Variants in PDZRN4 observed in about 807,000 individuals in gnomAD.
PDZRN4 encodes the protein PDZ domain-containing RING finger protein 4.
A neutral mutation model predicts 99.0 loss-of-function variants in PDZRN4; 70 were observed. The ratio of observed to expected loss-of-function variants is 0.71; its 90% CI spans 0.58 to 0.86. The LOEUF is 0.86. Among genes scored for constraint, PDZRN4 ranks in the 40% least tolerant of loss-of-function variants. The probability of loss-of-function intolerance (pLI) is 0.00; values close to 1 mark genes in which losing one functional copy is unlikely to be tolerated. For synonymous variants in PDZRN4, 551 were observed against 501.6 expected (o/e 1.10, Z -1.32); for missense variants, 1,474 against 1,331.2 (o/e 1.11, Z -1.67).
At chr12:41,314,531 C>A (rs1254019150) in intron 3 of PDZRN4, among the ~76,000 whole-genome samples, 1 of 152,150 alleles carries the variant, frequency 6.6e-6, no homozygotes, top group Non-Finnish European at 1.5e-5. Flanking sequence ...GGAGCCTTCA[C>A]CAAAGAGGCT....
chr12:41,465,209 G>A (rs572872589), intron 3 of PDZRN4, among the ~76,000 whole-genome samples: 7 of 152,138 alleles, frequency 4.6e-5, no homozygotes, highest in African/African-American at 1.2e-4. Context: ...CTCTAAGGGC[G>A]TAAGAATCAT....
chr12:41,383,060 A>G (rs1421463623), intron 3 of PDZRN4, among the ~76,000 whole-genome samples: 1 of 152,224 alleles, frequency 6.6e-6, no homozygotes, highest in Non-Finnish European at 1.5e-5. Context: ...TTATGATATT[A>G]TGATTTTGTA....
chr12:41,509,776 A>T, intron 4 of PDZRN4, 35 bp from the exon 5 acceptor site: 1 of 966,696 alleles, frequency 1.0e-6, no homozygotes, highest in Non-Finnish European at 1.6e-6. Context: ...CAACCCATTT[A>T]ATCTATTCCT....
chr12:41,364,157 A>C (rs1328234626), intron 3 of PDZRN4, among the ~76,000 whole-genome samples: 1 of 152,132 alleles, frequency 6.6e-6, no homozygotes, highest in Non-Finnish European at 1.5e-5. Flanking sequence ...AAGCTTTGTT[A>C]GTATGGAACA....
At chr12:41,371,803 C>T (rs1476578528) in intron 3 of PDZRN4, among the ~76,000 whole-genome samples, 2 of 152,112 alleles carry the variant, frequency 1.3e-5, no homozygotes, top group African/African-American at 4.8e-5. Context: ...ATGTAGCCCA[C>T]CATATTTCTA....
chr12:41,432,083 A>G (rs1023625836), intron 3 of PDZRN4, among the ~76,000 whole-genome samples: 1 of 152,372 alleles, frequency 6.6e-6, no homozygotes, highest in East Asian at 1.9e-4. Context: ...GCATTCATAT[A>G]CTACCAGACA....
At chr12:41,341,165 T>A (rs1345939785) in intron 3 of PDZRN4, among the ~76,000 whole-genome samples, 1 of 148,886 alleles carries the variant, frequency 6.7e-6, no homozygotes. Flanking sequence ...CCTTTCATGA[T>A]AAAAAAAAAA....
At chr12:41,355,537 T>A (rs560872245) in intron 3 of PDZRN4, among the ~76,000 whole-genome samples, 1 of 152,180 alleles carries the variant, frequency 6.6e-6, no homozygotes, top group East Asian at 1.9e-4. Context: ...TTCACATGGA[T>A]CATTTGAGTT....
intron 3 of PDZRN4, among the ~76,000 whole-genome samples, chr12:41,458,231 C>T (rs1952834578): frequency 6.6e-6 from 1 of 152,186 alleles, no homozygotes; most frequent in African/African-American, 2.4e-5. Flanking sequence ...AATCTCGACT[C>T]ACTGCAATCT....
At chr12:41,301,756 C>A (rs1951537161) in intron 3 of PDZRN4, among the ~76,000 whole-genome samples, 1 of 151,974 alleles carries the variant, frequency 6.6e-6, no homozygotes, top group African/African-American at 2.4e-5. Flanking sequence ...ATTTAGGTAT[C>A]AGGATGCCTG....
chr12:41,519,365 G>C (rs1938454240), intron 5 of PDZRN4, among the ~76,000 whole-genome samples: 3 of 152,028 alleles, frequency 2.0e-5, no homozygotes, highest in African/African-American at 7.2e-5. Context: ...TTGCTTTCTA[G>C]GTAAAGTGGC....
intron 4 of PDZRN4, 55 bp downstream of exon 4, chr12:41,506,767 G>T: frequency 6.5e-7 from 1 of 1,543,490 alleles, no homozygotes. Context: ...GTCACGTAAA[G>T]CAGATGTTGA....
At chr12:41,408,811 C>T (rs1410272676) in intron 3 of PDZRN4, among the ~76,000 whole-genome samples, 1 of 151,742 alleles carries the variant, frequency 6.6e-6, no homozygotes, top group Non-Finnish European at 1.5e-5. Flanking sequence ...CTCTGTCTCT[C>T]TTGCGCTCTC....
intron 3 of PDZRN4, among the ~76,000 whole-genome samples, chr12:41,457,972 G>A (rs1952830722): frequency 6.6e-6 from 1 of 152,128 alleles, no homozygotes; most frequent in Non-Finnish European, 1.5e-5. Flanking sequence ...TACAATTGAT[G>A]AGAAGAGCAG....
chr12:41,220,059 T>A (rs575075549), intron 3 of PDZRN4, among the ~76,000 whole-genome samples: 36 of 152,152 alleles, frequency 2.4e-4, no homozygotes, highest in Middle Eastern at 6.8e-3. Context: ...GAAGCTAAGC[T>A]CCAAGAGGGT....
intron 3 of PDZRN4, among the ~76,000 whole-genome samples, chr12:41,468,288 G>T (rs1012404019): frequency 2.5e-4 from 38 of 152,272 alleles, no homozygotes; most frequent in African/African-American, 8.4e-4. Context: ...TGAGCTACTG[G>T]ATCATTGAAA....
chr12:41,405,074 G>T (rs2120359668), intron 3 of PDZRN4, among the ~76,000 whole-genome samples: 1 of 152,112 alleles, frequency 6.6e-6, no homozygotes, highest in Admixed American at 6.5e-5. Flanking sequence ...TTTTGGCTAA[G>T]TCCCCAAAAG....
intron 3 of PDZRN4, among the ~76,000 whole-genome samples, chr12:41,444,986 G>C (rs1952711910): frequency 6.6e-6 from 1 of 151,992 alleles, no homozygotes; most frequent in African/African-American, 2.4e-5. Context: ...GGTTTAATAA[G>C]TGAAGAGCCC....
intron 3 of PDZRN4, among the ~76,000 whole-genome samples, chr12:41,330,490 T>TTAA (rs1491138599): frequency 6.5e-5 from 9 of 139,490 alleles, no homozygotes; most frequent in Non-Finnish European, 1.4e-4. Context: ...TCTAATATGG[T>TTAA]AAAAAAAAAA....
Sources: allele counts gnomAD v4.1 joint callset (sites outside exome capture counted in the v4.1 genomes callset), GRCh38; gene constraint gnomAD v4.1.1; transcripts MANE v1.5; gene names NCBI Gene and HGNC (gene_info 2026-07-23, HGNC 2026-07-21).